Variants in SGCD observed in about 807,000 individuals in gnomAD.
SGCD encodes sarcoglycan delta.
A neutral mutation model predicts 36.6 loss-of-function variants in SGCD; 18 were observed. The observed-to-expected ratio is 0.49, with a 90% CI of 0.34 to 0.73. SGCD has a LOEUF of 0.73. Among genes scored for constraint, SGCD ranks in the 30% least tolerant of loss-of-function variants. The pLI, the probability that SGCD is intolerant of heterozygous loss-of-function variation, is 0.01. For missense variants in SGCD, 387 were observed against 346.7 expected, an observed-to-expected ratio of 1.12 and a Z score of -0.92; for synonymous variants, 133 against 130.6, an observed-to-expected ratio of 1.02 and a Z score of -0.12.
intron 1 of SGCD, among the ~76,000 whole-genome samples, chr5:156,097,156 TTTAA>T (rs1761398973): frequency 1.3e-5 from 2 of 152,134 alleles, no homozygotes; most frequent in Non-Finnish European, 2.9e-5. Context: ...GTTTTTCATG[TTTAA>T]TTATTATATG....
intron 3 of SGCD, among the ~76,000 whole-genome samples, chr5:156,506,314 G>C (rs1756690379): frequency 1.3e-5 from 2 of 151,646 alleles, no homozygotes; most frequent in Admixed American, 1.3e-4. Flanking sequence ...TTGAGTTAAA[G>C]TTTCATGTTA....
intron 1 of SGCD, among the ~76,000 whole-genome samples, chr5:156,029,320 G>C (rs1025841721): frequency 6.6e-6 from 1 of 152,064 alleles, no homozygotes; most frequent in Non-Finnish European, 1.5e-5. Flanking sequence ...CTGTAATCAG[G>C]AATCTATAGT....
chr5:155,789,334 C>T, the SGCD span, among the ~76,000 whole-genome samples: 15 of 152,056 alleles, frequency 9.9e-5, no homozygotes, highest in African/African-American at 3.6e-4. Context: ...TTGAAATTTG[C>T]ATTGAACTAA....
intron 3 of SGCD, among the ~76,000 whole-genome samples, chr5:156,132,530 G>C (rs256774): frequency 0.1 from 13,330 of 132,342 alleles, 699 homozygotes; most frequent in South Asian, 0.15. Flanking sequence ...CTGCAGTGGC[G>C]CTATCCCGGC....
chr5:156,320,122 TG>T (rs1767620457), intron 3 of SGCD, among the ~76,000 whole-genome samples: 5 of 152,016 alleles, frequency 3.3e-5, no homozygotes, highest in Admixed American at 2.6e-4. Flanking sequence ...TGTGTGTGTG[TG>T]TGTGTGTGTG....
chr5:156,132,732 T>G (rs1164263331), intron 3 of SGCD, among the ~76,000 whole-genome samples: 1 of 151,914 alleles, frequency 6.6e-6, no homozygotes, highest in Non-Finnish European at 1.5e-5. Context: ...CCTCCCAAAG[T>G]GCGGGGATTA....
intron 3 of SGCD, among the ~76,000 whole-genome samples, chr5:156,504,267 A>T (rs1323730914): frequency 6.6e-6 from 1 of 151,724 alleles, no homozygotes; most frequent in Non-Finnish European, 1.5e-5. Flanking sequence ...GAAAGCACTC[A>T]TAACTCAGAC....
chr5:156,028,300 G>T (rs1003885082), intron 1 of SGCD, among the ~76,000 whole-genome samples: 3 of 151,990 alleles, frequency 2.0e-5, no homozygotes, highest in African/African-American at 7.2e-5. Context: ...AAAATCATCT[G>T]GTTTTCTTAT....
chr5:155,899,425 A>G (rs958234929), intron 1 of SGCD, among the ~76,000 whole-genome samples: 2 of 152,226 alleles, frequency 1.3e-5, no homozygotes, highest in African/African-American at 2.4e-5. Flanking sequence ...ATGAAAGAGC[A>G]TTGTTTCAAA....
intron 3 of SGCD, among the ~76,000 whole-genome samples, chr5:156,361,249 G>A (rs1769777837): frequency 1.3e-5 from 2 of 152,298 alleles, no homozygotes; most frequent in South Asian, 4.1e-4. Context: ...CCAATGAAGG[G>A]GCCAAGAAAA....
intron 3 of SGCD, among the ~76,000 whole-genome samples, chr5:156,411,018 G>A (rs1347237148): frequency 6.6e-6 from 1 of 152,086 alleles, no homozygotes; most frequent in Non-Finnish European, 1.5e-5. Flanking sequence ...ATAAATGCAC[G>A]ACTTTAGCAA....
At chr5:156,643,046 T>TC (rs1481554165) in intron 6 of SGCD, among the ~76,000 whole-genome samples, 1 of 150,992 alleles carries the variant, frequency 6.6e-6, no homozygotes, top group Non-Finnish European at 1.5e-5. Flanking sequence ...GTTTGTTTTT[T>TC]TTTGAAACGG....
chr5:156,215,971 G>A, intron 3 of SGCD, among the ~76,000 whole-genome samples: 1 of 152,238 alleles, frequency 6.6e-6, no homozygotes, highest in East Asian at 1.9e-4. Flanking sequence ...AGAAAACATG[G>A]TATATATACA....
intron 4 of SGCD, among the ~76,000 whole-genome samples, chr5:156,558,195 A>G (rs989654850): frequency 4.7e-5 from 7 of 149,628 alleles, no homozygotes; most frequent in Non-Finnish European, 7.4e-5. Context: ...GGGACTTACA[A>G]TGAAAGCCCA....
At chr5:156,576,729 A>C (rs1012617386) in intron 4 of SGCD, among the ~76,000 whole-genome samples, 2 of 152,110 alleles carry the variant, frequency 1.3e-5, no homozygotes, top group African/African-American at 2.4e-5. Flanking sequence ...TCTTCTTTTG[A>C]AAAGTGTCTG....
chr5:156,019,064 C>T (rs552911176), intron 1 of SGCD, among the ~76,000 whole-genome samples: 1 of 152,280 alleles, frequency 6.6e-6, no homozygotes, highest in South Asian at 2.1e-4. Flanking sequence ...ATATATTAAT[C>T]TATCATCTGT....
In SGCD at chr5:155,920,350, G is replaced by A. The variant is rs114754472; in HGVS notation, c.-282+49926G>A. On this transcript the variant is annotated intron_variant, in intron 1 of 9. Transcript: ENST00000517913. ...ATCTGACTTGAGCAACTAGAAGGAT[G>A]ATGGTGTGGCTTACTGAGATGGTGA... is the stretch of plus-strand genomic sequence containing the variant. 3.0e-3 allele frequency among the ~76,000 whole-genome samples: 456 copies of A among 152,314 alleles called. 2 individuals are homozygous for A. The highest frequency in any genetic ancestry group is 0.011 in the African/African-American group (446 of 41,576).
chr5:155,934,059 A>G (rs942348076), intron 1 of SGCD, among the ~76,000 whole-genome samples: 9 of 152,200 alleles, frequency 5.9e-5, no homozygotes, highest in Non-Finnish European at 1.2e-4. Context: ...TCAAAATTCA[A>G]ATTTCAGAAA....
chr5:156,470,563 A>C (rs1754916294), intron 3 of SGCD, among the ~76,000 whole-genome samples: 1 of 148,376 alleles, frequency 6.7e-6, no homozygotes, highest in Admixed American at 6.8e-5. Context: ...CTCATTGTTC[A>C]ATTCCCACCT....
Sources: allele counts gnomAD v4.1 joint callset (sites outside exome capture counted in the v4.1 genomes callset), GRCh38; gene constraint gnomAD v4.1.1; transcripts MANE v1.5; gene names NCBI Gene and HGNC (gene_info 2026-07-23, HGNC 2026-07-21).